SCLT1: variants seen among roughly 807,000 people sequenced by gnomAD.
The protein encoded by SCLT1 is sodium channel-associated protein 1.
A neutral mutation model predicts 112.8 loss-of-function variants in SCLT1; 78 were observed. The ratio of observed to expected loss-of-function variants is 0.69; its 90% confidence interval spans 0.58 to 0.83. The LOEUF is 0.83. Ranked by LOEUF, SCLT1 falls within the 40% of genes least tolerant of loss-of-function variation. The pLI, the probability that SCLT1 is intolerant of heterozygous loss-of-function variation, is 0.00. For missense variants in SCLT1, 747 were observed against 770.4 expected (o/e 0.97, Z 0.36); for synonymous variants, 257 against 254.7 (o/e 1.01, Z -0.09).
At chr4:128,879,685 A>C (rs894282949), downstream of SCLT1, among the ~76,000 whole-genome samples, 4 of 152,236 alleles carry the variant, frequency 2.6e-5, no homozygotes, top group African/African-American at 9.6e-5. Context: ...ATGCTCCACA[A>C]ACAGACATTA....
At chr4:129,017,476 T>C (rs928406600) in intron 5 of SCLT1, among the ~76,000 whole-genome samples, 1 of 152,166 alleles carries the variant, frequency 6.6e-6, no homozygotes, top group Non-Finnish European at 1.5e-5. Flanking sequence ...TTCCAACATA[T>C]TGGCAGTATA....
intron 2 of SCLT1, among the ~76,000 whole-genome samples, chr4:129,055,598 T>C (rs2125719924): frequency 6.6e-6 from 1 of 152,130 alleles, no homozygotes; most frequent in South Asian, 2.1e-4. Context: ...TACTCAAGTC[T>C]CAGTAATGGT....
chr4:128,952,622 T>C, intron 14 of SCLT1, 147 bp downstream of exon 14: 1 of 641,038 alleles, frequency 1.6e-6, no homozygotes, highest in South Asian at 1.8e-5. Flanking sequence ...TGCAAACATG[T>C]CTATCTGGAT....
chr4:128,988,738 A>G (rs1391431124), intron 9 of SCLT1, among the ~76,000 whole-genome samples: 2 of 152,000 alleles, frequency 1.3e-5, no homozygotes, highest in Non-Finnish European at 1.5e-5. Context: ...CGAGAAACTC[A>G]TTTCATCTAT....
chr4:129,086,652 T>C (rs1752420098), intron 1 of SCLT1, among the ~76,000 whole-genome samples: 3 of 152,014 alleles, frequency 2.0e-5, no homozygotes, highest in Non-Finnish European at 4.4e-5. Flanking sequence ...TTACTGGGCA[T>C]CAGCTATAGA....
At chr4:129,011,539 G>A (rs1445430186) in intron 5 of SCLT1, among the ~76,000 whole-genome samples, 1 of 151,890 alleles carries the variant, frequency 6.6e-6, no homozygotes, top group African/African-American at 2.4e-5. Context: ...GTTGGGCAGT[G>A]TGATGTCCCC....
chr4:129,045,833 T>G (rs1176864277), intron 2 of SCLT1, among the ~76,000 whole-genome samples: 1 of 152,106 alleles, frequency 6.6e-6, no homozygotes, highest in African/African-American at 2.4e-5. Context: ...CTGTAAATAC[T>G]TATTTACCTA....
chr4:128,969,952 TA>T (rs1740546834), intron 10 of SCLT1, among the ~76,000 whole-genome samples: 1 of 152,302 alleles, frequency 6.6e-6, no homozygotes, highest in African/African-American at 2.4e-5. Flanking sequence ...TATCTAAAAC[TA>T]AAGCCTGACT....
intron 9 of SCLT1, among the ~76,000 whole-genome samples, chr4:128,977,698 A>G (rs1003989094): frequency 6.6e-6 from 1 of 152,100 alleles, no homozygotes; most frequent in African/African-American, 2.4e-5. Context: ...TATGAGAAAG[A>G]CAAAGAAATG....
At chr4:129,085,906 A>G (rs1045632180) in intron 1 of SCLT1, among the ~76,000 whole-genome samples, 29 of 152,174 alleles carry the variant, frequency 1.9e-4, no homozygotes, top group Non-Finnish European at 3.7e-4. Flanking sequence ...ACTAATGGGT[A>G]TTAGGCTTAA....
intron 18 of SCLT1, among the ~76,000 whole-genome samples, chr4:128,895,374 AT>A (rs1299875073): frequency 1.1e-4 from 17 of 152,112 alleles, no homozygotes; most frequent in Non-Finnish European, 2.9e-5. Context: ...ATTTTGTGTA[AT>A]TTATCTTTCC....
At chr4:129,072,585 T>C (rs1197612702) in intron 2 of SCLT1, among the ~76,000 whole-genome samples, 1 of 152,152 alleles carries the variant, frequency 6.6e-6, no homozygotes, top group Non-Finnish European at 1.5e-5. Flanking sequence ...ACTTGTTCAA[T>C]TCTATTGCTG....
Position 128,975,040 on chromosome 4 carries a change from C to CTTTTTTTTTTTTTTTTTT in SCLT1, c.687-4573_687-4572insAAAAAAAAAAAAAAAAAA, listed in dbSNP as rs34603915. 6.7e-4 allele frequency among the ~76,000 whole-genome samples: 58 copies of CTTTTTTTTTTTTTTTTTT among 87,034 alleles called. 8 individuals are homozygous for CTTTTTTTTTTTTTTTTTT. Among genetic ancestry groups the CTTTTTTTTTTTTTTTTTT allele is most frequent in the Middle Eastern group, 6.9e-3 (1 of 144 alleles). 57.1% of individuals were successfully genotyped at this position (87,034 alleles called of 152,430 possible). A position where few individuals can be genotyped will look rare whatever the true frequency, so the allele number is the denominator to read the frequency against. On this transcript the variant is annotated intron_variant, in intron 9 of 20. Coordinates refer to ENST00000281142, the MANE Select transcript of SCLT1 (RefSeq NM_144643.4). ...GATATTAAACAGATTTGAATGACAACTTTTTTTTTTTTTTTTGAGATGGAG... is the reference window on the plus strand; with the variant it reads ...GATATTAAACAGATTTGAATGACAACTTTTTTTTTTTTTTTTTTTTTTTTTTTTTTTTTTGAGATGGAG...
chr4:128,969,332 G>C (rs1037496927), intron 10 of SCLT1, among the ~76,000 whole-genome samples: 4 of 152,052 alleles, frequency 2.6e-5, no homozygotes, highest in Admixed American at 2.6e-4. Context: ...CAGCACTTTG[G>C]GAGGCTGAGG....
intron 2 of SCLT1, among the ~76,000 whole-genome samples, chr4:129,046,037 T>C (rs961352985): frequency 2.0e-5 from 3 of 152,116 alleles, no homozygotes; most frequent in Non-Finnish European, 4.4e-5. Flanking sequence ...AGGAAGATAA[T>C]CAATACTGTT....
At chr4:129,043,927 T>C (rs1376229131) in intron 3 of SCLT1, 66 bp downstream of exon 3, 2 of 808,164 alleles carry the variant, frequency 2.5e-6, no homozygotes, top group Non-Finnish European at 4.1e-6. Flanking sequence ...ACATTCCTGA[T>C]ACTGAATTAT....
At chr4:129,023,851 C>T (rs906695346) in intron 5 of SCLT1, among the ~76,000 whole-genome samples, 31 of 152,288 alleles carry the variant, frequency 2.0e-4, no homozygotes, top group Middle Eastern at 3.4e-3. Context: ...TGCGCTTTTC[C>T]GACGGGCTTA....
At chr4:128,944,421 G>A (rs1018125783) in intron 16 of SCLT1, among the ~76,000 whole-genome samples, 2 of 152,120 alleles carry the variant, frequency 1.3e-5, no homozygotes, top group Non-Finnish European at 2.9e-5. Flanking sequence ...ACCAGATCAA[G>A]CCTCTGGGTC....
At chr4:129,076,583 C>T (rs904147069) in intron 2 of SCLT1, among the ~76,000 whole-genome samples, 1 of 151,488 alleles carries the variant, frequency 6.6e-6, no homozygotes, top group African/African-American at 2.4e-5. Flanking sequence ...ACCAAGAGAC[C>T]AAAGCACTAA....
Sources: gnomAD v4.1 joint callset for allele counts (sites outside exome capture counted in the v4.1 genomes callset) on GRCh38, gnomAD v4.1.1 for gene constraint, MANE v1.5 for transcripts, NCBI Gene and HGNC (gene_info 2026-07-23, HGNC 2026-07-21) for gene names.